NFIB: variants seen among roughly 807,000 people sequenced by gnomAD.
The protein encoded by NFIB is nuclear factor 1 B-type.
Under a neutral mutation model 61.5 loss-of-function variants are expected in NFIB, and 11 were observed. That is an observed-to-expected ratio of 0.18 (90% confidence interval 0.11 to 0.30). The LOEUF (loss-of-function observed/expected upper bound fraction) is 0.30. Ranked by LOEUF, NFIB falls within the 10% of genes least tolerant of loss-of-function variation. The pLI is 1.00. For missense variants in NFIB, 471 were observed against 608.9 expected, an observed-to-expected ratio of 0.77 and a Z score of 2.38; for synonymous variants, 260 against 216.5, an observed-to-expected ratio of 1.20 and a Z score of -1.76.
chr9:14,349,920 T>C (rs961082194), intron 1 of NFIB, among the ~76,000 whole-genome samples: 1 of 152,156 alleles, frequency 6.6e-6, no homozygotes, highest in Non-Finnish European at 1.5e-5. Flanking sequence ...CCATTACCGG[T>C]CCACAGTGGC....
upstream of NFIB, among the ~76,000 whole-genome samples, chr9:14,401,901 C>G (rs2061746395): frequency 6.6e-6 from 1 of 152,124 alleles, no homozygotes. Flanking sequence ...TTCCCTACAC[C>G]TTTTGCTTAT....
At chr9:14,239,118 T>A (rs2054098333) in intron 2 of NFIB, among the ~76,000 whole-genome samples, 1 of 152,180 alleles carries the variant, frequency 6.6e-6, no homozygotes, top group Non-Finnish European at 1.5e-5. Flanking sequence ...GAAACTAAAA[T>A]TAAGAAATTT....
chr9:14,375,318 C>T (rs2061405173), intron 1 of NFIB, among the ~76,000 whole-genome samples: 1 of 152,194 alleles, frequency 6.6e-6, no homozygotes, highest in African/African-American at 2.4e-5. Flanking sequence ...AAAATGAGAA[C>T]CCCTCCTAGC....
At position 14,181,034 on chromosome 9, in the gene NFIB, T is replaced by C. The variant is rs76206408; in HGVS notation, c.563-1254A>G. 8.2e-3 allele frequency among the ~76,000 whole-genome samples: 1,245 copies of C among 152,328 alleles called. 14 individuals are homozygous for C. Among genetic ancestry groups the C allele is most frequent in the African/African-American group, 0.027 (1,130 of 41,582 alleles). ...GATTTGGTTAAGCAGGAAAATCATA[T>C]GCTGGTTTTTTTCATCGGGGTTATT... On this transcript the variant is annotated intron_variant, in intron 2 of 10. Coordinates refer to ENST00000380953, the MANE Select transcript of NFIB (RefSeq NM_001190737.2).
chr9:14,388,789 A>G (rs972144396), intron 1 of NFIB, among the ~76,000 whole-genome samples: 5 of 152,208 alleles, frequency 3.3e-5, no homozygotes, highest in Non-Finnish European at 7.3e-5. Flanking sequence ...TGTGGCAATA[A>G]GTTTATGTGT....
intron 1 of NFIB, among the ~76,000 whole-genome samples, chr9:14,365,852 A>G (rs1025512716): frequency 2.6e-5 from 4 of 152,172 alleles, no homozygotes; most frequent in Admixed American, 1.3e-4. Context: ...ACCAAAAACT[A>G]TGGAGTAAGA....
chr9:14,475,641 A>T, the NFIB span, among the ~76,000 whole-genome samples: 2 of 152,006 alleles, frequency 1.3e-5, no homozygotes, highest in Non-Finnish European at 2.9e-5. Flanking sequence ...CCACTCAATG[A>T]CATGTCCCAT....
the NFIB span, among the ~76,000 whole-genome samples, chr9:14,415,003 A>C: frequency 6.6e-6 from 1 of 152,164 alleles, no homozygotes; most frequent in African/African-American, 2.4e-5. Flanking sequence ...ATTATCTCAC[A>C]GTTTCTGTGG....
At chr9:14,305,982 A>T in intron 2 of NFIB, 2 of 1,351,408 alleles carry the variant, frequency 1.5e-6, no homozygotes, top group Non-Finnish European at 1.9e-6. Flanking sequence ...GGACATCTAT[A>T]TCTTGATGCA....
the NFIB span, among the ~76,000 whole-genome samples, chr9:14,466,747 CA>C: frequency 3.5e-3 from 532 of 152,292 alleles, 3 homozygotes; most frequent in African/African-American, 0.012. Flanking sequence ...CTTTGTTATT[CA>C]TTTTAACCAG....
chr9:14,314,763 G>A (rs1588289570), upstream of NFIB, among the ~76,000 whole-genome samples: 1 of 132,158 alleles, frequency 7.6e-6, no homozygotes, highest in East Asian at 2.2e-4. Flanking sequence ...TTTGTTAAAG[G>A]TATCCTACCG....
At position 14,086,123 on chromosome 9, in the gene NFIB, G is replaced by C. The variant is rs1374958495; in HGVS notation, c.*2186C>G. 4.4e-6 allele frequency: 1 copy of C among 225,056 alleles called. No homozygotes were observed. The highest frequency in any genetic ancestry group is 2.2e-5 in the African/African-American group (1 of 44,872). 13.9% of individuals were successfully genotyped at this position (225,056 alleles called of 1,614,324 possible). The stretch of plus-strand genomic sequence containing the variant: ...AACCCAGGTGGGAAGTTAGAGAGGG[G>C]AACCTGTGTAAGTTGAAGTTTGTCA... On this transcript the variant is annotated 3_prime_UTR_variant, in exon 11 of 11. Coordinates refer to ENST00000380953, the MANE Select transcript of NFIB (RefSeq NM_001190737.2).
intron 9 of NFIB, among the ~76,000 whole-genome samples, chr9:14,115,455 T>G (rs1387176165): frequency 6.6e-6 from 1 of 152,162 alleles, no homozygotes; most frequent in South Asian, 2.1e-4. Context: ...ATTAATTTCT[T>G]CTATACTTCT....
intron 2 of NFIB, among the ~76,000 whole-genome samples, chr9:14,194,395 C>T (rs918777583): frequency 1.3e-5 from 2 of 152,112 alleles, no homozygotes; most frequent in African/African-American, 4.8e-5. Flanking sequence ...ATGCTGAGAC[C>T]ACAAGACAGA....
At chr9:14,368,415 T>A (rs1185952375) in intron 1 of NFIB, among the ~76,000 whole-genome samples, 1 of 152,228 alleles carries the variant, frequency 6.6e-6, no homozygotes, top group Non-Finnish European at 1.5e-5. Flanking sequence ...AATAAATATT[T>A]TTCTGCACTT....
chr9:14,463,940 G>A, the NFIB span, among the ~76,000 whole-genome samples: 8 of 152,202 alleles, frequency 5.3e-5, no homozygotes, highest in African/African-American at 1.4e-4. Context: ...GATTACAGGC[G>A]TGAGCCAGGG....
chr9:14,337,624 G>T (rs1416181102), intron 1 of NFIB, among the ~76,000 whole-genome samples: 1 of 152,190 alleles, frequency 6.6e-6, no homozygotes, highest in Non-Finnish European at 1.5e-5. Flanking sequence ...TTCTAACCCT[G>T]AGTTGGCATT....
intron 10 of NFIB, among the ~76,000 whole-genome samples, chr9:14,103,290 T>G (rs961321820): frequency 6.6e-6 from 1 of 151,080 alleles, no homozygotes; most frequent in Non-Finnish European, 1.5e-5. Flanking sequence ...GCAGATTTAT[T>G]GAAAAGATAT....
At chr9:14,266,618 T>C (rs2057225122) in intron 2 of NFIB, among the ~76,000 whole-genome samples, 2 of 151,658 alleles carry the variant, frequency 1.3e-5, no homozygotes, top group Admixed American at 1.3e-4. Context: ...TAAAATAAAG[T>C]AAAACCCAAG....
Sources: allele counts gnomAD v4.1 joint callset (sites outside exome capture counted in the v4.1 genomes callset), GRCh38; gene constraint gnomAD v4.1.1; transcripts MANE v1.5; gene names NCBI Gene and HGNC (gene_info 2026-07-23, HGNC 2026-07-21).